Variants in CCDC38 observed in about 807,000 individuals in gnomAD.
CCDC38 encodes the protein coiled-coil domain containing 38.
In CCDC38, 69 loss-of-function variants were observed where a neutral mutation model predicts 72.8. The ratio of observed to expected loss-of-function variants is 0.95; its 90% CI spans 0.78 to 1.16. The LOEUF (loss-of-function observed/expected upper bound fraction) is 1.16, where lower values mean the gene tolerates loss of function less well. Among genes scored for constraint, CCDC38 ranks in the 50% most tolerant of loss-of-function variants. The pLI is 0.00. For synonymous variants in CCDC38, 201 were observed against 213.2 expected (o/e 0.94, Z 0.50); for missense variants, 626 against 638.9 (o/e 0.98, Z 0.22).
At chr12:95,930,588 CT>C (rs2080327475) in intron 2 of CCDC38, among the ~76,000 whole-genome samples, 6 of 152,254 alleles carry the variant, frequency 3.9e-5, no homozygotes, top group Admixed American at 3.9e-4. Flanking sequence ...AAGATCTCAT[CT>C]TGAGATCCTT....
intron 11 of CCDC38, among the ~76,000 whole-genome samples, chr12:95,880,200 G>A (rs1244543329): frequency 2.0e-5 from 3 of 152,088 alleles, no homozygotes; most frequent in African/African-American, 7.2e-5. Flanking sequence ...TAAAGTATGT[G>A]TTACCTTAAA....
At chr12:95,886,036 A>C (rs1280434765) in intron 10 of CCDC38, among the ~76,000 whole-genome samples, 1 of 150,392 alleles carries the variant, frequency 6.6e-6, no homozygotes, top group Non-Finnish European at 1.5e-5. Flanking sequence ...AAGGCCATAC[A>C]TAATAAAGCT....
At position 95,881,566 on chromosome 12, in the gene CCDC38, A is replaced by G. The variant is rs1487207466; in HGVS notation, c.921-12T>C. ...AACTTTCAGCCAGGCTGTAAAAGAA[A>G]AAAGAAAAAGAAAATGTCTGATTTG... is the stretch of plus-strand genomic sequence containing the variant. On this transcript the variant is annotated splice_polypyrimidine_tract_variant and intron_variant, in intron 10 of 15. Coordinates refer to ENST00000344280, the MANE Select transcript of CCDC38 (RefSeq NM_182496.3). The G allele has an allele frequency of 6.2e-7, 1 of 1,601,528 alleles. No individual in the cohort carries two copies. Among genetic ancestry groups the G allele is most frequent in the Non-Finnish European group, 8.5e-7 (1 of 1,172,944 alleles).
intron 4 of CCDC38, among the ~76,000 whole-genome samples, chr12:95,916,379 G>GCCTGCCTGCCTT (rs1457231674): frequency 6.1e-5 from 9 of 147,340 alleles, no homozygotes; most frequent in Non-Finnish European, 1.2e-4. Flanking sequence ...TTGCCTGCCT[G>GCCTGCCTGCCTT]CCTTCCTTCC....
At chr12:95,937,871 G>A (rs1406419795) in intron 1 of CCDC38, among the ~76,000 whole-genome samples, 1 of 152,140 alleles carries the variant, frequency 6.6e-6, no homozygotes, top group East Asian at 1.9e-4. Flanking sequence ...AGACAAAAAA[G>A]AACAAAAACT....
intron 14 of CCDC38, among the ~76,000 whole-genome samples, chr12:95,870,038 G>T (rs568336778): frequency 6.6e-6 from 1 of 151,948 alleles, no homozygotes; most frequent in East Asian, 1.9e-4. Flanking sequence ...TTCCCAGGCC[G>T]GTCTCGAACT....
At chr12:95,888,609 A>G in intron 9 of CCDC38, 103 bp from the exon 10 acceptor site, 1 of 986,502 alleles carries the variant, frequency 1.0e-6, no homozygotes, top group Non-Finnish European at 1.6e-6. Flanking sequence ...CAAGGTATTC[A>G]TTTTTCTGCA....
chr12:95,878,405 C>A, intron 12 of CCDC38, 59 bp from the exon 13 acceptor site: 1 of 1,518,086 alleles, frequency 6.6e-7, no homozygotes, highest in Non-Finnish European at 9.0e-7. Context: ...AAATAACCAT[C>A]AGTCAGGAGC....
At chr12:95,876,490 T>A (rs74839348) in intron 13 of CCDC38, among the ~76,000 whole-genome samples, 11,715 of 152,248 alleles carry the variant, frequency 0.077, 656 homozygotes, top group Non-Finnish European at 0.11. Flanking sequence ...TCCACAACAT[T>A]GAGAATGTAC....
intron 4 of CCDC38, among the ~76,000 whole-genome samples, chr12:95,910,366 G>T (rs779928199): frequency 3.3e-5 from 5 of 151,744 alleles, no homozygotes; most frequent in Non-Finnish European, 5.9e-5. Flanking sequence ...ACAAAGAGGT[G>T]TAAGAACTCT....
In CCDC38 at chr12:95,890,874, C is replaced by T. The variant is rs1481931948; in HGVS notation, c.829G>A (p.Ala277Thr). 1 of 1,607,194 alleles carries T rather than the reference C, an allele frequency of 6.2e-7. No homozygotes were observed. The highest frequency in any genetic ancestry group is 1.7e-5 in the Admixed American group (1 of 59,702). Residue 277 changes from alanine to threonine, a missense_variant, in exon 9 of 16, where the codon GCT becomes ACT. Ala to Thr is a moderately conservative substitution (Grantham distance 58). Coordinates refer to ENST00000344280, the MANE Select transcript of CCDC38 (RefSeq NM_182496.3). ...EGILEESGRTAVLSEDASQGR... is the reference protein window; with the variant it reads ...EGILEESGRTTVLSEDASQGR... ...TGAGAAGCATCTTCTGAAAGGACAG[C>T]TGTCCTCCCGGACTCCTCAAGGATG...
intron 4 of CCDC38, among the ~76,000 whole-genome samples, chr12:95,908,111 T>G (rs1362313465): frequency 6.6e-6 from 1 of 151,924 alleles, no homozygotes; most frequent in East Asian, 2.0e-4. Context: ...CAAGGCAGGC[T>G]GCCGGGAGGT....
At chr12:95,891,587 C>A (rs78202888) in intron 8 of CCDC38, among the ~76,000 whole-genome samples, 2,384 of 152,232 alleles carry the variant, frequency 0.016, 28 homozygotes, top group Middle Eastern at 0.031. Flanking sequence ...GGCTCAAGCA[C>A]CCCGCCTGCC....
At chr12:95,918,313 C>A (rs1215962707) in intron 3 of CCDC38, among the ~76,000 whole-genome samples, 2 of 152,168 alleles carry the variant, frequency 1.3e-5, no homozygotes, top group Non-Finnish European at 2.9e-5. Flanking sequence ...TTCTTCCTTC[C>A]CCAGCACACA....
At chr12:95,918,535 A>G (rs1267485928) in intron 3 of CCDC38, among the ~76,000 whole-genome samples, 1 of 152,240 alleles carries the variant, frequency 6.6e-6, no homozygotes, top group Non-Finnish European at 1.5e-5. Flanking sequence ...CCAGTGATGT[A>G]TGACATCCCA....
intron 4 of CCDC38, 52 bp from the exon 5 acceptor site, chr12:95,906,503 G>T: frequency 7.9e-7 from 1 of 1,258,798 alleles, no homozygotes; most frequent in Non-Finnish European, 1.2e-6. Context: ...CCTTAAAAAT[G>T]CTGTATAAAA....
At chr12:95,895,290 G>T in intron 7 of CCDC38, 144 bp from the exon 8 acceptor site, 2 of 528,258 alleles carry the variant, frequency 3.8e-6, no homozygotes. Context: ...ATAAAAATAT[G>T]GGCTTCAGTG....
intron 14 of CCDC38, among the ~76,000 whole-genome samples, chr12:95,870,606 C>A (rs766162359): frequency 6.6e-6 from 1 of 152,112 alleles, no homozygotes; most frequent in Non-Finnish European, 1.5e-5. Context: ...TGTAATTACA[C>A]TTTGGTGCAA....
chr12:95,894,974 G>C lies in CCDC38; in HGVS notation c.772+15C>G, dbSNP rs750131546. ...GGGATATTTAGTTCATGAAAGTTGA[G>C]TATAAGTAACTTACTTGCTAATATT... is the stretch of plus-strand genomic sequence containing the variant. On this transcript the variant is annotated intron_variant, in intron 8 of 15. Transcript: ENST00000344280. The C allele has an allele frequency of 1.3e-6, 2 of 1,592,238 alleles. No homozygotes were observed. Among genetic ancestry groups the C allele is most frequent in the Non-Finnish European group, 8.6e-7 (1 of 1,168,122 alleles).
Sources: allele counts gnomAD v4.1 joint callset (sites outside exome capture counted in the v4.1 genomes callset), GRCh38; gene constraint gnomAD v4.1.1; transcripts MANE v1.5; gene names NCBI Gene and HGNC (gene_info 2026-07-23, HGNC 2026-07-21).